The following MTHFD1L variants were observed in gnomAD, a reference collection of about 807,000 sequenced individuals.
MTHFD1L encodes the protein methylenetetrahydrofolate dehydrogenase (NADP+ dependent) 1 like.
MTHFD1L carries 81 observed loss-of-function variants against 119.5 expected under a neutral mutation model. The ratio of observed to expected loss-of-function variants is 0.68; its 90% CI spans 0.57 to 0.82. The LOEUF is 0.82. MTHFD1L is among the 40% of genes least tolerant of loss of function. The pLI is 0.00. For missense variants in MTHFD1L, 1,125 were observed against 1,253.4 expected, an observed-to-expected ratio of 0.90 and a Z score of 1.55; for synonymous variants, 430 against 475.2, an observed-to-expected ratio of 0.90 and a Z score of 1.24.
In MTHFD1L at chr6:150,918,615, G is replaced by A; in HGVS notation, c.931G>A (p.Gly311Arg). 1 of 1,614,092 alleles carries A rather than the reference G, an allele frequency of 6.2e-7. No individual in the cohort carries two copies. The highest frequency in any genetic ancestry group is 8.5e-7 in the Non-Finnish European group (1 of 1,179,986). Residue 311 changes from glycine to arginine, a missense_variant, in exon 9 of 28, where the codon GGA (glycine) becomes AGA (arginine). This residue lies in a region of MTHFD1L where 1,058 missense variants were observed against 1,151.2 expected (regional missense o/e 0.92). Coordinates refer to ENST00000367321, the MANE Select transcript of MTHFD1L (RefSeq NM_015440.5). ...GCGSPRIHFG[G>R]LIEEDDVILL... The stretch of plus-strand genomic sequence containing the variant: ...TGGCTCTCCAAGAATACATTTTGGT[G>A]GACTCATTGAGGAAGATGATGTGAT...
intron 20 of MTHFD1L, among the ~76,000 whole-genome samples, chr6:150,984,418 CT>C (rs1381666702): frequency 2.6e-5 from 4 of 151,922 alleles, no homozygotes; most frequent in Non-Finnish European, 5.9e-5. Flanking sequence ...GCTAGAAAGC[CT>C]TTTTCCCCCC....
intron 20 of MTHFD1L, among the ~76,000 whole-genome samples, chr6:151,004,026 A>G (rs535358322): frequency 0.043 from 6,079 of 142,442 alleles, 246 homozygotes; most frequent in Admixed American, 0.14. Context: ...AAAAAAAAAA[A>G]AGAGAGAGAG....
intron 5 of MTHFD1L, among the ~76,000 whole-genome samples, chr6:150,884,382 C>T (rs1414861422): frequency 2.6e-5 from 4 of 151,930 alleles, no homozygotes; most frequent in Admixed American, 1.3e-4. Flanking sequence ...CCTCGTGACC[C>T]GCCTGCCTCG....
intron 8 of MTHFD1L, among the ~76,000 whole-genome samples, chr6:150,914,885 G>A (rs1018251192): frequency 1.3e-5 from 2 of 152,044 alleles, no homozygotes; most frequent in Non-Finnish European, 2.9e-5. Flanking sequence ...CCTCTCCTGT[G>A]GTTACTCAAT....
chr6:150,892,626 T>C (rs1395148007), intron 7 of MTHFD1L, among the ~76,000 whole-genome samples: 1 of 152,150 alleles, frequency 6.6e-6, no homozygotes, highest in Non-Finnish European at 1.5e-5. Context: ...CCCATACTTG[T>C]CCCCCTCTAC....
intron 26 of MTHFD1L, among the ~76,000 whole-genome samples, chr6:151,058,580 C>T (rs1790268485): frequency 6.6e-6 from 1 of 152,174 alleles, no homozygotes; most frequent in Non-Finnish European, 1.5e-5. Context: ...ATGGTGAAGA[C>T]TGTTATTTAT....
chr6:150,917,282 G>T (rs1014608546), intron 8 of MTHFD1L, among the ~76,000 whole-genome samples: 2 of 152,006 alleles, frequency 1.3e-5, no homozygotes, highest in African/African-American at 4.8e-5. Flanking sequence ...CCAGCACTTT[G>T]GGAGGCCGAG....
At chr6:150,869,605 C>T (rs1255710626) in intron 1 of MTHFD1L, among the ~76,000 whole-genome samples, 1 of 152,108 alleles carries the variant, frequency 6.6e-6, no homozygotes, top group East Asian at 1.9e-4. Context: ...GATCCTGCTG[C>T]CTCAGCCTCC....
At chr6:150,964,463 G>A (rs1452082688) in intron 18 of MTHFD1L, among the ~76,000 whole-genome samples, 1 of 152,204 alleles carries the variant, frequency 6.6e-6, no homozygotes, top group Admixed American at 6.5e-5. Flanking sequence ...GTGGTAGTTT[G>A]TTGAGTTATT....
intron 8 of MTHFD1L, among the ~76,000 whole-genome samples, 168 bp from the exon 9 acceptor site, chr6:150,918,409 G>A (rs941199220): frequency 6.6e-6 from 1 of 152,306 alleles, no homozygotes; most frequent in East Asian, 1.9e-4. Context: ...CCCAATGGAG[G>A]GCCCCAAGCC....
Position 150,971,955 on chromosome 6 carries a change from T to C in MTHFD1L, c.2022T>C (p.Pro674=), listed in dbSNP as rs998032483. 4.3e-6 allele frequency: 7 copies of C among 1,613,912 alleles called. No individual in the cohort carries two copies. Among genetic ancestry groups the C allele is most frequent in the African/African-American group, 1.3e-5 (1 of 74,940 alleles). Residue 674 remains proline (P), a synonymous_variant, in exon 20 of 28, where the codon CCT becomes CCC. Transcript: ENST00000367321. ...PNLMQTLEGT[P]VFVHAGPFAN... ...CTTTTTCACTTCTCTAGGGGACACC[T>C]GTGTTCGTGCATGCGGGCCCTTTTG...
intron 26 of MTHFD1L, among the ~76,000 whole-genome samples, chr6:151,086,975 C>T (rs1793862590): frequency 6.6e-6 from 1 of 152,118 alleles, no homozygotes; most frequent in Non-Finnish European, 1.5e-5. Context: ...GTCAGCCAGG[C>T]GCAATTGCTC....
chr6:151,068,097 C>T (rs914237755), intron 26 of MTHFD1L, among the ~76,000 whole-genome samples: 21 of 152,338 alleles, frequency 1.4e-4, no homozygotes, highest in African/African-American at 4.6e-4. Context: ...TTCTGATTCA[C>T]GCCATTGGTA....
intron 8 of MTHFD1L, among the ~76,000 whole-genome samples, chr6:150,917,557 T>C (rs559751217): frequency 6.6e-6 from 1 of 152,214 alleles, no homozygotes; most frequent in Non-Finnish European, 1.5e-5. Flanking sequence ...CAAAAAAAAA[T>C]CTAAAGGTTA....
At chr6:150,991,167 C>A (rs1292963083) in intron 20 of MTHFD1L, among the ~76,000 whole-genome samples, 1 of 151,988 alleles carries the variant, frequency 6.6e-6, no homozygotes, top group African/African-American at 2.4e-5. Flanking sequence ...AAAATATAAA[C>A]CATAGAGCTT....
At position 151,041,713 on chromosome 6, in the gene MTHFD1L, C is replaced by T. The variant is rs116035732; in HGVS notation, c.2847+4596C>T. 4.1e-3 allele frequency: 1,975 copies of T among 479,728 alleles called. 24 individuals are homozygous for T. Among genetic ancestry groups the T allele is most frequent in the African/African-American group, 0.033 (1,650 of 50,358 alleles). 29.7% of individuals were successfully genotyped at this position (479,728 alleles called of 1,614,324 possible). A position where few individuals can be genotyped will look rare whatever the true frequency, so the allele number is the denominator to read the frequency against. ...ATAGACTCCAGTAAATAAAACCATACAGGCACAGAATGCGGCGGGCTTTAT... is the reference window on the plus strand; with the variant it reads ...ATAGACTCCAGTAAATAAAACCATATAGGCACAGAATGCGGCGGGCTTTAT... On this transcript the variant is annotated intron_variant, in intron 26 of 27. Coordinates refer to ENST00000367321, the MANE Select transcript of MTHFD1L (RefSeq NM_015440.5).
intron 26 of MTHFD1L, among the ~76,000 whole-genome samples, chr6:151,051,080 C>G (rs938559803): frequency 6.6e-6 from 1 of 152,158 alleles, no homozygotes; most frequent in Non-Finnish European, 1.5e-5. Flanking sequence ...CTTACTTGGT[C>G]TTTCCATCCT....
chr6:150,966,030 T>C (rs1038203148), intron 19 of MTHFD1L, among the ~76,000 whole-genome samples: 3 of 152,188 alleles, frequency 2.0e-5, no homozygotes, highest in African/African-American at 4.8e-5. Context: ...TGCACGTGTC[T>C]TGAAGAACAT....
intron 16 of MTHFD1L, among the ~76,000 whole-genome samples, chr6:150,953,272 A>G (rs1378374690): frequency 6.6e-6 from 1 of 152,204 alleles, no homozygotes; most frequent in African/African-American, 2.4e-5. Flanking sequence ...CATACTGTGG[A>G]TGTTCCTTAG....
Sources: gnomAD v4.1 joint callset for allele counts (sites outside exome capture counted in the v4.1 genomes callset) on GRCh38, gnomAD v4.1.1 for gene constraint, gnomAD v4.1.1 regional missense constraint, MANE v1.5 for transcripts, NCBI Gene and HGNC (gene_info 2026-07-23, HGNC 2026-07-21) for gene names.